DCAF10: variants seen among roughly 807,000 people sequenced by gnomAD.
DCAF10 encodes DDB1 and CUL4 associated factor 10, also known as DDB1- and CUL4-associated factor 10.
In DCAF10, 19 loss-of-function variants were observed where a neutral mutation model predicts 51.9. The observed-to-expected ratio is 0.37, with a 90% CI of 0.26 to 0.54. DCAF10 has a LOEUF of 0.54. Among genes scored for constraint, DCAF10 ranks in the 20% least tolerant of loss-of-function variants. The pLI, the probability that DCAF10 is intolerant of heterozygous loss-of-function variation, is 0.87. For missense variants in DCAF10, 510 were observed against 730.6 expected, an observed-to-expected ratio of 0.70 and a Z score of 3.48; for synonymous variants, 291 against 297.1, an observed-to-expected ratio of 0.98 and a Z score of 0.21.
In DCAF10 at chr9:37,801,266, C is replaced by G; in HGVS notation, c.400C>G (p.Arg134Gly). The G allele has an allele frequency of 6.3e-7, 1 of 1,593,176 alleles. No individual in the cohort carries two copies. The highest frequency in any genetic ancestry group is 8.5e-7 in the Non-Finnish European group (1 of 1,172,644). ...GTGGCTGAAAGAGCGCAGCCTGGGC[C>G]GCGGGCTGTTCGTGGACCCGGCGCG... ...FGWLKERSLG[R>G]GLFVDPARDN... is the part of the protein sequence containing the mutation. Residue 134 changes from arginine (R) to glycine (G), a missense_variant, in exon 1 of 7, where the codon CGC (arginine) becomes GGC (glycine). Arg to Gly is a moderately radical substitution (Grantham distance 125). Around this residue, in one of 4 missense-constraint regions of DCAF10, gnomAD observed 251 missense variants for 227.9 expected, o/e 1.10. Coordinates refer to ENST00000377724, the MANE Select transcript of DCAF10 (RefSeq NM_024345.5). This position sits in a 1 kb window ranked among gnomAD's most constrained non-coding sequence, Gnocchi z 5.5.
intron 6 of DCAF10, chr9:37,860,433 G>T: frequency 2.5e-6 from 1 of 394,642 alleles, no homozygotes; most frequent in Non-Finnish European, 4.4e-6. Context: ...GTACTTTAAA[G>T]GCCAGCATCA....
Position 37,800,916 on chromosome 9 carries a change from C to G in DCAF10, c.50C>G (p.Ala17Gly). The G allele has an allele frequency of 6.7e-7, 1 of 1,496,574 alleles. No individual in the cohort carries two copies. Among genetic ancestry groups the G allele is most frequent in the Non-Finnish European group, 8.8e-7 (1 of 1,130,560 alleles). The allele number at this position is 1,496,574 out of a possible 1,614,324, so 92.7% of individuals were successfully genotyped here. A position where few individuals can be genotyped will look rare whatever the true frequency, so the allele number is the denominator to read the frequency against. The stretch of plus-strand genomic sequence containing the variant: ...CCTGGAGGGGACGGATCGGCCGGAG[C>G]CGGGGCTGAGGAGCCGACGCCCCAC... ...HSPGGDGSAG[A>G]GAEEPTPHEG... Residue 17 changes from alanine (A) to glycine (G), a missense_variant, in exon 1 of 7, where the codon GCC becomes GGC. Around this residue, in one of 4 missense-constraint regions of DCAF10, gnomAD observed 251 missense variants for 227.9 expected, o/e 1.10. Coordinates refer to ENST00000377724, the MANE Select transcript of DCAF10 (RefSeq NM_024345.5).
Position 37,861,691 on chromosome 9 carries a change from A to G in DCAF10, c.*183A>G. On this transcript the variant is annotated 3_prime_UTR_variant, in exon 7 of 7. Transcript: ENST00000377724. The surrounding 1 kb of genome is among the most constrained non-coding windows in gnomAD (Gnocchi z 4.9). ...ATCCAGCATCATACAGGCATCTCCA[A>G]GTTAGACTCTATGCAGCATCATCTT... 1 of 723,276 alleles carries G rather than the reference A, an allele frequency of 1.4e-6. No homozygotes were observed. The highest frequency in any genetic ancestry group is 2.8e-5 in the East Asian group (1 of 35,906). 44.8% of individuals were successfully genotyped at this position (723,276 alleles called of 1,614,324 possible).
At chr9:37,859,673 T>C (rs1830956615) in intron 5 of DCAF10, among the ~76,000 whole-genome samples, 1 of 152,216 alleles carries the variant, frequency 6.6e-6, no homozygotes, top group African/African-American at 2.4e-5. Context: ...AGGAGAATTG[T>C]TACCTTTTAC....
intron 6 of DCAF10, among the ~76,000 whole-genome samples, chr9:37,860,603 A>C (rs536825581): frequency 7.9e-5 from 12 of 152,330 alleles, no homozygotes; most frequent in Admixed American, 7.2e-4. Context: ...ATTGAGTATC[A>C]TAATTTTCTT....
At chr9:37,845,095 T>G (rs531472123) in intron 3 of DCAF10, among the ~76,000 whole-genome samples, 1 of 152,322 alleles carries the variant, frequency 6.6e-6, no homozygotes, top group South Asian at 2.1e-4. Flanking sequence ...GTTTAGAGAC[T>G]TATAAACTCA....
intron 2 of DCAF10, among the ~76,000 whole-genome samples, chr9:37,837,243 G>A (rs1215502551): frequency 2.6e-5 from 4 of 151,978 alleles, no homozygotes; most frequent in African/African-American, 7.2e-5. Context: ...GGCGGATCAC[G>A]AGGTCAGGAG....
At chr9:37,839,144 TC>T (rs778361792) in intron 2 of DCAF10, among the ~76,000 whole-genome samples, 2 of 151,872 alleles carry the variant, frequency 1.3e-5, no homozygotes, top group Non-Finnish European at 2.9e-5. Context: ...AACATCCGCC[TC>T]CCGGGTTCAA....
intron 2 of DCAF10, among the ~76,000 whole-genome samples, chr9:37,821,829 C>G (rs2117856838): frequency 6.6e-6 from 1 of 152,172 alleles, no homozygotes; most frequent in South Asian, 2.1e-4. Flanking sequence ...AAACAGACAA[C>G]CCACAGAGTG....
chr9:37,839,184 G>A (rs1163681099), intron 2 of DCAF10, among the ~76,000 whole-genome samples: 2 of 151,620 alleles, frequency 1.3e-5, no homozygotes, highest in Non-Finnish European at 1.5e-5. Flanking sequence ...CTCAGCCTCC[G>A]AGTAGCTGGG....
chr9:37,848,607 T>C (rs1349897844), intron 3 of DCAF10, among the ~76,000 whole-genome samples: 1 of 152,136 alleles, frequency 6.6e-6, no homozygotes, highest in African/African-American at 2.4e-5. Flanking sequence ...GAGGAATCTC[T>C]TAAGGTGATG....
intron 1 of DCAF10, among the ~76,000 whole-genome samples, chr9:37,808,517 T>TATTATATA: frequency 8.7e-6 from 1 of 114,960 alleles, no homozygotes; most frequent in Non-Finnish European, 1.7e-5. Context: ...TATATTTATA[T>TATTATATA]AATATATTAT....
chr9:37,852,930 T>TTATATATATATATATA lies in DCAF10; in HGVS notation c.852-1829_852-1814dup, dbSNP rs59469290. 3.0e-3 allele frequency among the ~76,000 whole-genome samples: 327 copies of TTATATATATATATATA among 109,538 alleles called. 2 individuals carry two copies. The highest frequency in any genetic ancestry group is 6.5e-3 in the East Asian group (15 of 2,296). The allele number at this position is 109,538 out of a possible 152,430, so 71.9% of individuals were successfully genotyped here. ...CATCATAAATGTTAAGTATGTGAGG[T>TTATATATATATATATA]TATATATATATATATATATATATAT... On this transcript the variant is annotated intron_variant, in intron 3 of 6. Coordinates refer to ENST00000377724, the MANE Select transcript of DCAF10 (RefSeq NM_024345.5).
chr9:37,801,401 G>C lies in DCAF10; in HGVS notation c.535G>C (p.Asp179His). 6.7e-7 allele frequency: 1 copy of C among 1,496,088 alleles called. No homozygotes were observed. Among genetic ancestry groups the C allele is most frequent in the Non-Finnish European group, 8.9e-7 (1 of 1,120,218 alleles). The allele number at this position is 1,496,088 out of a possible 1,614,324, so 92.7% of individuals were successfully genotyped here. The change falls in exon 1 of 7, where the codon GAC (aspartate) becomes CAC (histidine). Residue 179 changes from aspartate to histidine, a missense_variant. This residue lies in a region of DCAF10 where 126 missense variants were observed against 271.5 expected (regional missense o/e 0.46). Transcript: ENST00000377724. This position sits in a 1 kb window ranked among gnomAD's most constrained non-coding sequence, Gnocchi z 5.5. ...CGTCTTCAACCTCGAGTACTCGCCC[G>C]ACGGGTAAGCGCGGCCCCTCGGAGG... ...GAVFNLEYSP[D>H]GSVLTVACEQ... is the part of the protein sequence containing the mutation.
chr9:37,821,399 CAAG>C (rs1270548691), intron 2 of DCAF10, among the ~76,000 whole-genome samples: 1 of 152,084 alleles, frequency 6.6e-6, no homozygotes, highest in Non-Finnish European at 1.5e-5. Flanking sequence ...AGAGATTGAA[CAAG>C]AAGAAGTCAA....
In DCAF10 at chr9:37,865,275, G is replaced by A. The variant is rs755948225; in HGVS notation, c.*3767G>A. The A allele has an allele frequency of 1.3e-4, 19 of 151,766 alleles. No individual in the cohort carries two copies. Among genetic ancestry groups the A allele is most frequent in the African/African-American group, 1.7e-4 (7 of 41,302 alleles). The allele number at this position is 151,766 out of a possible 1,614,324, so 9.4% of individuals were successfully genotyped here. The stretch of plus-strand genomic sequence containing the variant: ...ATAAACGGCATTGTGAAAAAAAACC[G>A]AGCCACACAGATGAGAATTAAAAAT... On this transcript the variant is annotated 3_prime_UTR_variant, in exon 7 of 7. Coordinates refer to ENST00000377724, the MANE Select transcript of DCAF10 (RefSeq NM_024345.5).
rs1830222998 is a variant in DCAF10 at position 37,838,009 on chromosome 9, C to CAAG, written c.654-4078_654-4076dup. Among the ~76,000 whole-genome samples the CAAG allele has an allele frequency of 8.6e-5, 13 of 150,440 alleles. 3 individuals carry two copies. The highest frequency in any genetic ancestry group is 3.2e-4 in the African/African-American group (13 of 40,862). On this transcript the variant is annotated intron_variant, in intron 2 of 6. Coordinates refer to ENST00000377724, the MANE Select transcript of DCAF10 (RefSeq NM_024345.5). ...CTGCACTCCAGCCCAGGCAACAGAG[C>CAAG]AAGACCCTGTCTCAAGAAAAAAAAA... is the stretch of plus-strand genomic sequence containing the variant.
intron 5 of DCAF10, among the ~76,000 whole-genome samples, chr9:37,858,037 C>CTT (rs141204248): frequency 0.027 from 4,080 of 148,532 alleles, 162 homozygotes; most frequent in African/African-American, 0.094. Context: ...AGATGGCTTG[C>CTT]TTTTTTTTTT....
intron 4 of DCAF10, among the ~76,000 whole-genome samples, chr9:37,855,433 T>A (rs1283071616): frequency 2.0e-5 from 3 of 152,212 alleles, no homozygotes; most frequent in East Asian, 1.9e-4. Flanking sequence ...GCTGGTGCCA[T>A]CTTATCTCAT....
Sources: allele counts gnomAD v4.1 joint callset (sites outside exome capture counted in the v4.1 genomes callset), GRCh38; gene constraint gnomAD v4.1.1; regional missense constraint gnomAD v4.1.1; non-coding constraint Gnocchi (gnomAD v3.1); transcripts MANE v1.5; gene names NCBI Gene and HGNC (gene_info 2026-07-23, HGNC 2026-07-21).